Variants in MEF2B observed in about 807,000 individuals in gnomAD.
The protein encoded by MEF2B is myocyte enhancer factor 2B, also known as myocyte-specific enhancer factor 2B.
In MEF2B, 15 loss-of-function variants were observed where a neutral mutation model predicts 32.2. The observed-to-expected ratio is 0.47, with a 90% CI of 0.31 to 0.72. The LOEUF is 0.72. Ranked by LOEUF, MEF2B falls within the 30% of genes least tolerant of loss-of-function variation. The pLI is 0.05. For synonymous variants in MEF2B, 205 were observed against 225.6 expected, an observed-to-expected ratio of 0.91 and a Z score of 0.82; for missense variants, 441 against 511.5, an observed-to-expected ratio of 0.86 and a Z score of 1.33.
At chr19:19,161,484 C>T (rs1198343544) in intron 1 of MEF2B, among the ~76,000 whole-genome samples, 2 of 152,078 alleles carry the variant, frequency 1.3e-5, no homozygotes, top group African/African-American at 4.8e-5. Context: ...CCAACCCACA[C>T]AGCTCTCCAA....
chr19:19,170,219 C>T lies in MEF2B; in HGVS notation c.-44G>A, dbSNP rs2060243087. 2.5e-6 allele frequency: 1 copy of T among 398,562 alleles called. No homozygotes were observed. The highest frequency in any genetic ancestry group is 3.6e-5 in the East Asian group (1 of 28,074). 24.7% of individuals were successfully genotyped at this position (398,562 alleles called of 1,614,324 possible). ...ATGACACGCACCTGCTCGGCCTGGGCCCTGGGACGCTGGGCGCACGGACCC... is the reference window on the plus strand; with the variant it reads ...ATGACACGCACCTGCTCGGCCTGGGTCCTGGGACGCTGGGCGCACGGACCC... On this transcript the variant is annotated 5_prime_UTR_variant, in exon 1 of 9. Coordinates refer to ENST00000424583, the MANE Select transcript of MEF2B (RefSeq NM_001145785.2).
rs1269302126 is a variant in MEF2B, at chr19:19,146,733, C to T, written c.675+9G>A. 3 of 1,614,024 alleles carry T rather than the reference C, an allele frequency of 1.9e-6. No homozygotes were observed. Among genetic ancestry groups the T allele is most frequent in the South Asian group, 1.1e-5 (1 of 91,084 alleles). ...CTCATCAGCCCTGCCACACCCTCCC[C>T]TCACTCACGGAGGTGTTTAGTCCCC... is the stretch of plus-strand genomic sequence containing the variant. On this transcript the variant is annotated intron_variant, in intron 6 of 8. Transcript: ENST00000424583.
Position 19,145,633 on chromosome 19 carries a change from G to GC in MEF2B, c.*163dup. 1 of 1,467,146 alleles carries GC rather than the reference G, an allele frequency of 6.8e-7. No individual in the cohort carries two copies. The highest frequency in any genetic ancestry group is 2.5e-5 in the Admixed American group (1 of 39,366). The allele number at this position is 1,467,146 out of a possible 1,614,324, so 90.9% of individuals were successfully genotyped here. On this transcript the variant is annotated 3_prime_UTR_variant, in exon 9 of 9. Transcript: ENST00000424583. This position sits in a 1 kb window ranked among gnomAD's most constrained non-coding sequence, Gnocchi z 4.6. Reference sequence around the variant, plus strand: ...CACACAAATAGGAAGAAGGAAAGGAGCCCCCCAGGGTGGATTGAGTCCAGC... The same window carrying GC: ...CACACAAATAGGAAGAAGGAAAGGAGCCCCCCCAGGGTGGATTGAGTCCAGC...
intron 3 of MEF2B, 88 bp downstream of exon 3, chr19:19,149,138 C>A: frequency 1.3e-6 from 2 of 1,513,236 alleles, no homozygotes; most frequent in South Asian, 1.2e-5. Flanking sequence ...TGAAGACACT[C>A]ATCTTTTGTG....
intron 1 of MEF2B, among the ~76,000 whole-genome samples, chr19:19,162,398 G>A (rs1216658323): frequency 1.3e-5 from 2 of 152,202 alleles, no homozygotes; most frequent in Non-Finnish European, 2.9e-5. Flanking sequence ...CTCCCTAAGT[G>A]CTGGGATTAC....
chr19:19,169,455 C>T (rs937039438), intron 1 of MEF2B, among the ~76,000 whole-genome samples: 2 of 152,296 alleles, frequency 1.3e-5, no homozygotes, highest in Non-Finnish European at 2.9e-5. Context: ...CCTCCTGCCT[C>T]AGCCTCCAAA....
Position 19,147,197 on chromosome 19 carries a change from AG to A in MEF2B, c.394-15del. On this transcript the variant is annotated splice_polypyrimidine_tract_variant and intron_variant, in intron 4 of 8. Coordinates refer to ENST00000424583, the MANE Select transcript of MEF2B (RefSeq NM_001145785.2). Reference sequence around the variant, plus strand: ...AGGAGCTGCAGGCTGTGGGTAGAGAAGGGATGGGTCAGAGGACCCCAGGCCA... The same window carrying A: ...AGGAGCTGCAGGCTGTGGGTAGAGAAGGATGGGTCAGAGGACCCCAGGCCA... The A allele has an allele frequency of 6.4e-7, 1 of 1,562,896 alleles. No individual in the cohort carries two copies. Among genetic ancestry groups the A allele is most frequent in the Admixed American group, 2.0e-5 (1 of 50,620 alleles).
chr19:19,148,898 G>T (rs1046478859), intron 3 of MEF2B, among the ~76,000 whole-genome samples: 1 of 151,880 alleles, frequency 6.6e-6, no homozygotes, highest in Non-Finnish European at 1.5e-5. Context: ...TTTTAGTAGA[G>T]ACTGGGTTTT....
chr19:19,148,480 C>T (rs1021124212), intron 3 of MEF2B, among the ~76,000 whole-genome samples: 5 of 151,994 alleles, frequency 3.3e-5, no homozygotes, highest in African/African-American at 1.2e-4. Flanking sequence ...AAGAAAAAAA[C>T]TGCTTAAGAA....
chr19:19,150,182 G>GGAGGGAGGGAGGGAA (rs1568547570), intron 2 of MEF2B, among the ~76,000 whole-genome samples: 1 of 110,112 alleles, frequency 9.1e-6, no homozygotes, highest in African/African-American at 3.9e-5. Context: ...GAGGGAGGGA[G>GGAGGGAGGGAGGGAA]GGAAGGAAGG....
chr19:19,149,548 G>A, intron 2 of MEF2B, 119 bp from the exon 3 acceptor site: 2 of 1,357,508 alleles, frequency 1.5e-6, no homozygotes, highest in Non-Finnish European at 1.0e-6. Flanking sequence ...CTTTCTGGCT[G>A]AGCTGGTAAT....
At chr19:19,162,787 C>T (rs1426829555) in intron 1 of MEF2B, among the ~76,000 whole-genome samples, 3 of 152,160 alleles carry the variant, frequency 2.0e-5, no homozygotes, top group East Asian at 1.9e-4. Context: ...AGGCCAGGGC[C>T]GGGGCTGTAG....
At position 19,151,500 on chromosome 19, in the gene MEF2B, C is replaced by T. The variant is rs943251779; in HGVS notation, c.-29-736G>A. On this transcript the variant is annotated intron_variant, in intron 1 of 8. Coordinates refer to ENST00000424583, the MANE Select transcript of MEF2B (RefSeq NM_001145785.2). ...TCCCCAGAGACCCCCACTCGAGGTT[C>T]CTGGGAACAATCGAATCATGTGGCC... 3.9e-5 allele frequency among the ~76,000 whole-genome samples: 6 copies of T among 152,212 alleles called. No homozygotes were observed. In the South Asian group the frequency reaches 1.2e-3, roughly 32 times the overall value.
chr19:19,154,876 C>G (rs1230263996), intron 1 of MEF2B, among the ~76,000 whole-genome samples: 3 of 152,226 alleles, frequency 2.0e-5, no homozygotes, highest in African/African-American at 7.2e-5. Context: ...CTGTGTCCGT[C>G]TTGACAGAGA....
At chr19:19,151,712 C>T (rs2060081768) in intron 1 of MEF2B, among the ~76,000 whole-genome samples, 1 of 152,194 alleles carries the variant, frequency 6.6e-6, no homozygotes, top group Admixed American at 6.5e-5. Flanking sequence ...CCCTCTGACC[C>T]TCAGGGCAGC....
intron 4 of MEF2B, 111 bp downstream of exon 4, chr19:19,147,587 T>C (rs2060038337): frequency 6.5e-7 from 1 of 1,540,148 alleles, no homozygotes; most frequent in South Asian, 1.3e-5. Flanking sequence ...GAGACCTGCC[T>C]CCAAACTCTA....
At chr19:19,162,127 AT>A (rs200735680) in intron 1 of MEF2B, among the ~76,000 whole-genome samples, 2 of 147,914 alleles carry the variant, frequency 1.4e-5, no homozygotes, top group East Asian at 4.0e-4. Flanking sequence ...AATTATTATT[AT>A]TTTTTTTTGA....
chr19:19,162,758 AT>A (rs2060174570), intron 1 of MEF2B, among the ~76,000 whole-genome samples: 1 of 151,984 alleles, frequency 6.6e-6, no homozygotes. Flanking sequence ...CCAGGATCCC[AT>A]TTTGGCCATG....
At chr19:19,159,235 G>A (rs983507396) in intron 1 of MEF2B, among the ~76,000 whole-genome samples, 2 of 131,666 alleles carry the variant, frequency 1.5e-5, no homozygotes, top group Non-Finnish European at 3.2e-5. Context: ...GCCACAGTGC[G>A]TGGCCTAAAA....
Sources: allele counts gnomAD v4.1 joint callset (sites outside exome capture counted in the v4.1 genomes callset), GRCh38; gene constraint gnomAD v4.1.1; non-coding constraint Gnocchi (gnomAD v3.1); transcripts MANE v1.5; gene names NCBI Gene and HGNC (gene_info 2026-07-23, HGNC 2026-07-21).